Variants in TNS1 observed in about 807,000 individuals in gnomAD.
TNS1 encodes tensin 1.
TNS1 carries 62 observed loss-of-function variants against 168.6 expected under a neutral mutation model. That is an observed-to-expected ratio of 0.37 (90% CI 0.30 to 0.45). The LOEUF (loss-of-function observed/expected upper bound fraction) is 0.45, where lower values mean the gene tolerates loss of function less well. Among genes scored for constraint, TNS1 ranks in the 20% least tolerant of loss-of-function variants. TNS1 has a pLI of 1.00. For missense variants in TNS1, 2,240 were observed against 2,339.4 expected, an observed-to-expected ratio of 0.96 and a Z score of 0.88; for synonymous variants, 934 against 933.2, an observed-to-expected ratio of 1.00 and a Z score of -0.02.
At chr2:217,907,933 T>G (rs982525180) in intron 4 of TNS1, among the ~76,000 whole-genome samples, 1 of 152,164 alleles carries the variant, frequency 6.6e-6, no homozygotes, top group Non-Finnish European at 1.5e-5. Flanking sequence ...GCTCTCTTCC[T>G]CCAGTTAGCC....
chr2:218,009,364 C>T (rs565679411), intron 1 of TNS1, among the ~76,000 whole-genome samples: 12 of 152,134 alleles, frequency 7.9e-5, no homozygotes, highest in African/African-American at 2.4e-4. Context: ...TCCACCCTCA[C>T]GTCTATACTC....
At chr2:217,828,918 A>T (rs1206769063) in intron 22 of TNS1, among the ~76,000 whole-genome samples, 1 of 152,234 alleles carries the variant, frequency 6.6e-6, no homozygotes, top group Non-Finnish European at 1.5e-5. Flanking sequence ...TCGTGGCTGT[A>T]AGATGGGGGC....
rs753222050 is a variant in TNS1, at chr2:217,804,288, CTT to C, written c.*169_*170del. 33 of 682,234 alleles carry C rather than the reference CTT, an allele frequency of 4.8e-5. No homozygotes were observed. The highest frequency in any genetic ancestry group is 3.0e-4 in the Middle Eastern group (1 of 3,326). 42.3% of individuals were successfully genotyped at this position (682,234 alleles called of 1,614,324 possible). On this transcript the variant is annotated 3_prime_UTR_variant, in exon 33 of 33. Coordinates refer to ENST00000682258, the MANE Select transcript of TNS1 (RefSeq NM_001387777.1). ...TCTCTCTCTCTCTCTCTCTCTCTCTCTTTTCCCCCTCCCCTCTGCAATTCACT... is the reference window on the plus strand; with the variant it reads ...TCTCTCTCTCTCTCTCTCTCTCTCTCTTCCCCCTCCCCTCTGCAATTCACT...
chr2:217,837,619 C>T (rs897196019), intron 19 of TNS1, among the ~76,000 whole-genome samples: 2 of 152,228 alleles, frequency 1.3e-5, no homozygotes, highest in African/African-American at 2.4e-5. Flanking sequence ...CCTGAGTCTC[C>T]GCTTTGGGCT....
intron 2 of TNS1, chr2:217,979,014 C>T (rs1460831967): frequency 6.8e-6 from 3 of 438,832 alleles, no homozygotes; most frequent in East Asian, 3.9e-5. Context: ...TGAGGACCCG[C>T]GGCCGGGGAG....
chr2:217,939,630 G>A (rs1271349300), intron 3 of TNS1, among the ~76,000 whole-genome samples: 1 of 152,330 alleles, frequency 6.6e-6, no homozygotes, highest in East Asian at 1.9e-4. Context: ...ATTCCCCCCA[G>A]CCATTCCTGT....
intron 1 of TNS1, among the ~76,000 whole-genome samples, chr2:217,998,960 G>A (rs778752842): frequency 3.3e-5 from 5 of 152,316 alleles, no homozygotes; most frequent in Non-Finnish European, 5.9e-5. Context: ...CAAGCAGCTT[G>A]AAGAGAGCAG....
upstream of TNS1, among the ~76,000 whole-genome samples, chr2:218,007,173 C>T (rs116414177): frequency 0.014 from 2,165 of 151,702 alleles, 44 homozygotes; most frequent in African/African-American, 0.045. Flanking sequence ...CCCAACAGCA[C>T]GAGACCCAGG....
In TNS1 at chr2:217,808,689, G is replaced by T. The variant is rs768625248; in HGVS notation, c.5274-18C>A. 6.2e-7 allele frequency: 1 copy of T among 1,613,230 alleles called. No homozygotes were observed. The highest frequency in any genetic ancestry group is 8.5e-7 in the Non-Finnish European group (1 of 1,179,252). ...AAAAGAGCCTGCAGCACAGACATCAGATAAACAGAGAATGAGTGCTGAAGG... is the reference window on the plus strand; with the variant it reads ...AAAAGAGCCTGCAGCACAGACATCATATAAACAGAGAATGAGTGCTGAAGG... On this transcript the variant is annotated intron_variant, in intron 30 of 32. Coordinates refer to ENST00000682258, the MANE Select transcript of TNS1 (RefSeq NM_001387777.1).
intron 1 of TNS1, among the ~76,000 whole-genome samples, chr2:218,031,312 AGTGTGGGT>A (rs1574485778): frequency 1.0e-5 from 1 of 100,160 alleles, no homozygotes; most frequent in Non-Finnish European, 2.0e-5. Context: ...TTTGTGTATG[AGTGTGGGT>A]GTGTGAGCAT....
chr2:218,026,272 C>G (rs114281556), intron 1 of TNS1, among the ~76,000 whole-genome samples: 1,644 of 152,234 alleles, frequency 0.011, 34 homozygotes, highest in African/African-American at 0.037. Flanking sequence ...AGTGTAAGCT[C>G]GAAGGCCGCT....
intron 19 of TNS1, chr2:217,841,903 A>G: frequency 3.4e-6 from 2 of 587,134 alleles, no homozygotes; most frequent in South Asian, 4.2e-5. Context: ...AAAGTCCTTA[A>G]GATGAACCTT....
chr2:217,831,964 C>CACACACAG lies in TNS1; in HGVS notation c.3281-425_3281-418dup, dbSNP rs1477604825. Reference sequence around the variant, plus strand: ...CCCAACACACACACACACACACACACACACACAGACACACACAGTCCATTT... The same window carrying CACACACAG: ...CCCAACACACACACACACACACACACACACACAGACACACAGACACACACAGTCCATTT... On this transcript the variant is annotated intron_variant, in intron 21 of 32. Coordinates refer to ENST00000682258, the MANE Select transcript of TNS1 (RefSeq NM_001387777.1). Among the ~76,000 whole-genome samples, 3 of 152,162 alleles carry CACACACAG rather than the reference C, an allele frequency of 2.0e-5. No homozygotes were observed. The East Asian group carries it at 5.8e-4, about 29-fold the overall frequency.
intron 13 of TNS1, 37 bp downstream of exon 13, chr2:217,886,497 T>G: frequency 6.7e-7 from 1 of 1,495,592 alleles, no homozygotes; most frequent in Non-Finnish European, 9.2e-7. Flanking sequence ...AGGGAGGAGT[T>G]GGCAAGGGTG....
At chr2:217,954,807 G>A (rs1019052990) in intron 3 of TNS1, among the ~76,000 whole-genome samples, 1 of 152,078 alleles carries the variant, frequency 6.6e-6, no homozygotes, top group Non-Finnish European at 1.5e-5. Flanking sequence ...TGTTCCCCAG[G>A]CCCCCTGTGG....
At chr2:217,808,899 A>C (rs898879371) in intron 30 of TNS1, among the ~76,000 whole-genome samples, 2 of 152,204 alleles carry the variant, frequency 1.3e-5, no homozygotes, top group Non-Finnish European at 2.9e-5. Flanking sequence ...CTGGGGAAGG[A>C]AGAAACTGGC....
chr2:218,005,733 G>A (rs936505408), upstream of TNS1, among the ~76,000 whole-genome samples: 1 of 152,196 alleles, frequency 6.6e-6, no homozygotes, highest in Non-Finnish European at 1.5e-5. Flanking sequence ...ATTAGTCAAT[G>A]GATCCTAACA....
chr2:218,006,473 C>T (rs1281664797), upstream of TNS1, among the ~76,000 whole-genome samples: 1 of 152,272 alleles, frequency 6.6e-6, no homozygotes, highest in Non-Finnish European at 1.5e-5. Flanking sequence ...CCACCCCTCT[C>T]CTACCAGGGC....
At chr2:217,806,856 T>A (rs1171751767) in intron 32 of TNS1, among the ~76,000 whole-genome samples, 1 of 152,266 alleles carries the variant, frequency 6.6e-6, no homozygotes, top group East Asian at 1.9e-4. Flanking sequence ...GTGTCAGACA[T>A]GGCCCTTCCC....
Sources: gnomAD v4.1 joint callset for allele counts (sites outside exome capture counted in the v4.1 genomes callset) on GRCh38, gnomAD v4.1.1 for gene constraint, MANE v1.5 for transcripts, NCBI Gene and HGNC (gene_info 2026-07-23, HGNC 2026-07-21) for gene names.